Variants in RNF20 observed in about 807,000 individuals in gnomAD.
The protein encoded by RNF20 is ring finger protein 20.
A neutral mutation model predicts 126.2 loss-of-function variants in RNF20; 84 were observed. The ratio of observed to expected loss-of-function variants is 0.67; its 90% CI spans 0.56 to 0.80. The LOEUF (loss-of-function observed/expected upper bound fraction) is 0.80, where lower values mean the gene tolerates loss of function less well. Among genes scored for constraint, RNF20 ranks in the 30% least tolerant of loss-of-function variants. The pLI, the probability that RNF20 is intolerant of heterozygous loss-of-function variation, is 0.00. For synonymous variants in RNF20, 400 were observed against 414.3 expected (o/e 0.97, Z 0.42); for missense variants, 869 against 1,188.2 (o/e 0.73, Z 3.95).
At chr9:101,561,417 C>G in intron 18 of RNF20, 187 bp downstream of exon 18, 1 of 576,850 alleles carries the variant, frequency 1.7e-6, no homozygotes, top group Non-Finnish European at 3.0e-6. Context: ...TGGTGCCTTG[C>G]ACCTAGTAGG....
chr9:101,561,120 C>A lies in RNF20; in HGVS notation c.2539C>A (p.Leu847Ile), dbSNP rs146289816. 6.2e-7 allele frequency: 1 copy of A among 1,613,836 alleles called. No individual in the cohort carries two copies. The highest frequency in any genetic ancestry group is 8.5e-7 in the Non-Finnish European group (1 of 1,179,830). Residue 847 changes from leucine to isoleucine, a missense_variant, in exon 18 of 20, where the codon CTC (leucine) becomes ATC (isoleucine). By Grantham distance (5) the Leu-to-Ile change is conservative (BLOSUM62 2). This residue lies in a region of RNF20 where 150 missense variants were observed against 173.7 expected (regional missense o/e 0.86). Transcript: ENST00000389120. ...GGAGGCAGCCCAGCTTGCAGATGAC[C>A]TCAAAGCACAACTGGAGTTGGCTCA... ...AMEAAQLADDLKAQLELAQKK... is the reference protein window; with the variant it reads ...AMEAAQLADDIKAQLELAQKK...
At chr9:101,552,089 T>G in intron 11 of RNF20, 52 bp from the exon 12 acceptor site, 2 of 1,611,898 alleles carry the variant, frequency 1.2e-6, no homozygotes, top group Non-Finnish European at 1.7e-6. Context: ...TCTCTCCTTG[T>G]GCCTTTGCCC....
chr9:101,551,333 A>T (rs908903500), intron 10 of RNF20, among the ~76,000 whole-genome samples: 9 of 152,226 alleles, frequency 5.9e-5, no homozygotes, highest in Non-Finnish European at 1.0e-4. Flanking sequence ...TTTTTAAAAG[A>T]TAGAAACTTT....
At position 101,540,361 on chromosome 9, in the gene RNF20, C is replaced by T. The variant is rs750384301; in HGVS notation, c.288C>T (p.Tyr96=). 1.1e-5 allele frequency: 18 copies of T among 1,614,068 alleles called. No homozygotes were observed. Among genetic ancestry groups the T allele is most frequent in the Non-Finnish European group, 1.5e-5 (18 of 1,180,036 alleles). The part of the protein sequence containing the change: ...DDASLLIVNR[Y]WSQFDENIRI... Reference sequence around the variant, plus strand: ...CCTCACTATTGATTGTCAACCGATACTGGAGTCAGGTAGCTAACTTGTTTA... The same window carrying T: ...CCTCACTATTGATTGTCAACCGATATTGGAGTCAGGTAGCTAACTTGTTTA... The change falls in exon 3 of 20, where the codon TAC becomes TAT. Residue 96 remains tyrosine, a synonymous_variant. Coordinates refer to ENST00000389120, the MANE Select transcript of RNF20 (RefSeq NM_019592.7).
At chr9:101,540,712 C>T in intron 4 of RNF20, 75 bp downstream of exon 4, 1 of 1,589,480 alleles carries the variant, frequency 6.3e-7, no homozygotes, top group Non-Finnish European at 8.6e-7. Context: ...TGAGGCTTTC[C>T]ATTTGAGGGA....
At chr9:101,551,850 TG>T in intron 11 of RNF20, 31 bp downstream of exon 11, 1 of 1,582,498 alleles carries the variant, frequency 6.3e-7, no homozygotes, top group Middle Eastern at 1.7e-4. Context: ...TGCTGTAGTT[TG>T]CTCTTAATAC....
intron 9 of RNF20, among the ~76,000 whole-genome samples, chr9:101,549,308 C>G (rs1240045466): frequency 6.6e-6 from 1 of 152,200 alleles, no homozygotes; most frequent in Non-Finnish European, 1.5e-5. Context: ...GGGCCCTTCC[C>G]TGCCTGGCAG....
chr9:101,554,173 T>TG, intron 14 of RNF20, 68 bp downstream of exon 14: 1 of 862,664 alleles, frequency 1.2e-6, no homozygotes, highest in Non-Finnish European at 1.9e-6. Flanking sequence ...CCTTTATACT[T>TG]GCCAACGATA....
chr9:101,535,669 T>A, intron 2 of RNF20, 117 bp downstream of exon 2: 3 of 1,043,516 alleles, frequency 2.9e-6, no homozygotes, highest in Non-Finnish European at 4.1e-6. Context: ...AAGAGGGAAA[T>A]AAAACAGGCT....
At chr9:101,537,453 T>G (rs144359297) in intron 2 of RNF20, among the ~76,000 whole-genome samples, 65 of 152,322 alleles carry the variant, frequency 4.3e-4, no homozygotes, top group African/African-American at 1.5e-3. Context: ...AGATACTTAT[T>G]TGACCTCTGA....
chr9:101,538,335 A>G (rs1827215180), intron 2 of RNF20, among the ~76,000 whole-genome samples: 1 of 152,158 alleles, frequency 6.6e-6, no homozygotes, highest in South Asian at 2.1e-4. Flanking sequence ...CAGGAAAAGT[A>G]TTGGAGAGTG....
Position 101,535,556 on chromosome 9 carries a change from T to C in RNF20, c.129+4T>C. On this transcript the variant is annotated splice_donor_region_variant and intron_variant, in intron 2 of 19. Transcript: ENST00000389120. ...GCTAGGAGGTGTCTCTTCAACGGTATGAGGAAACAGTGCCATGAAAGTGTG... is the reference window on the plus strand; with the variant it reads ...GCTAGGAGGTGTCTCTTCAACGGTACGAGGAAACAGTGCCATGAAAGTGTG... The C allele has an allele frequency of 6.2e-7, 1 of 1,606,050 alleles. No homozygotes were observed. Among genetic ancestry groups the C allele is most frequent in the Non-Finnish European group, 8.5e-7 (1 of 1,176,794 alleles).
At chr9:101,547,896 C>T (rs1478007798) in intron 9 of RNF20, among the ~76,000 whole-genome samples, 1 of 151,958 alleles carries the variant, frequency 6.6e-6, no homozygotes, top group Non-Finnish European at 1.5e-5. Context: ...TTATAGATGA[C>T]ATGACTTTAT....
chr9:101,544,392 A>G lies in RNF20; in HGVS notation c.629-375A>G, dbSNP rs532995719. ...ACAGCGTGAGCTGCTATACCTGGCC[A>G]AGGATACACAGTTTTAAAATTTGAC... On this transcript the variant is annotated intron_variant, in intron 5 of 19. Coordinates refer to ENST00000389120, the MANE Select transcript of RNF20 (RefSeq NM_019592.7). 3.3e-5 allele frequency among the ~76,000 whole-genome samples: 5 copies of G among 152,310 alleles called. No individual in the cohort carries two copies. In the South Asian group the frequency reaches 8.3e-4, roughly 25 times the overall value.
At chr9:101,543,445 G>GGCACTGTCTAACCTGCAAAGGCA (rs1564108028) in intron 5 of RNF20, among the ~76,000 whole-genome samples, 1 of 137,116 alleles carries the variant, frequency 7.3e-6, no homozygotes, top group Non-Finnish European at 1.7e-5. Flanking sequence ...CTGCCAGGGC[G>GGCACTGTCTAACCTGCAAAGGCA]GCACTGTCTA....
chr9:101,537,308 AGGG>A (rs1827199754), intron 2 of RNF20, among the ~76,000 whole-genome samples: 1 of 152,206 alleles, frequency 6.6e-6, no homozygotes, highest in Non-Finnish European at 1.5e-5. Context: ...GAAAGATAGG[AGGG>A]AGGATCATCC....
At chr9:101,550,399 C>T (rs572460833) in intron 9 of RNF20, among the ~76,000 whole-genome samples, 1 of 152,194 alleles carries the variant, frequency 6.6e-6, no homozygotes, top group Non-Finnish European at 1.5e-5. Context: ...GGAAAGAATA[C>T]AGTATATCCA....
chr9:101,552,046 A>C, intron 11 of RNF20, 95 bp from the exon 12 acceptor site: 1 of 1,494,808 alleles, frequency 6.7e-7, no homozygotes, highest in Non-Finnish European at 9.2e-7. Context: ...AATTCTCCCT[A>C]TTTCTCAGTG....
intron 15 of RNF20, among the ~76,000 whole-genome samples, chr9:101,556,856 T>C (rs183905410): frequency 6.6e-6 from 1 of 152,238 alleles, no homozygotes; most frequent in African/African-American, 2.4e-5. Flanking sequence ...AGTGGAAGAA[T>C]AGGCAAAAGA....
Sources: gnomAD v4.1 joint callset for allele counts (sites outside exome capture counted in the v4.1 genomes callset) on GRCh38, gnomAD v4.1.1 for gene constraint, gnomAD v4.1.1 regional missense constraint, MANE v1.5 for transcripts, NCBI Gene and HGNC (gene_info 2026-07-23, HGNC 2026-07-21) for gene names.